The following KSR2 variants were observed in gnomAD, a reference collection of about 807,000 sequenced individuals.
The protein encoded by KSR2 is kinase suppressor of ras 2.
In KSR2, 25 loss-of-function variants were observed where a neutral mutation model predicts 107.8. The ratio of observed to expected loss-of-function variants is 0.23; its 90% CI spans 0.17 to 0.32. KSR2 has a LOEUF of 0.32. KSR2 is among the 10% of genes least tolerant of loss of function. The pLI is 1.00. For synonymous variants in KSR2, 480 were observed against 507.0 expected, an observed-to-expected ratio of 0.95 and a Z score of 0.71; for missense variants, 887 against 1,268.9, an observed-to-expected ratio of 0.70 and a Z score of 4.57.
chr12:117,761,130 C>A lies in KSR2; in HGVS notation c.867G>T (p.Gly289=), dbSNP rs763108965. ...GTTTTCGGGAGGAGGGCGGTGGGGT[C>A]CCCGGGGGCTTCAGCTTGTTCTTCT... ...MRKKNKLKPP[G]TPPPSSRKLI... Residue 289 remains glycine, a synonymous_variant, in exon 4 of 20, where the codon GGG becomes GGT. Coordinates refer to ENST00000339824, the MANE Select transcript of KSR2 (RefSeq NM_173598.6). The A allele has an allele frequency of 6.2e-7, 1 of 1,612,522 alleles. No individual in the cohort carries two copies. Among genetic ancestry groups the A allele is most frequent in the Middle Eastern group, 1.7e-4 (1 of 6,056 alleles).
intron 4 of KSR2, among the ~76,000 whole-genome samples, chr12:117,669,410 T>C (rs764938556): frequency 2.0e-5 from 3 of 152,150 alleles, no homozygotes; most frequent in Non-Finnish European, 2.9e-5. Flanking sequence ...AGTATAGAGC[T>C]ACCCTGTCCA....
In KSR2 at chr12:117,888,618, T is replaced by C. The variant is rs562610367; in HGVS notation, c.181-28187A>G. On this transcript the variant is annotated intron_variant, in intron 1 of 19. Transcript: ENST00000339824. ...AAACCAGAACTTTCTCTCCACCATGTGAGGACACAGAAAGAAGGTGGCCGT... is the reference window on the plus strand; with the variant it reads ...AAACCAGAACTTTCTCTCCACCATGCGAGGACACAGAAAGAAGGTGGCCGT... Among the ~76,000 whole-genome samples the C allele has an allele frequency of 9.4e-4, 143 of 152,274 alleles. 1 individual carries two copies. Among genetic ancestry groups the C allele is most frequent in the Admixed American group, 3.9e-3 (59 of 15,296 alleles).
At chr12:117,560,916 A>G (rs541771032) in intron 7 of KSR2, among the ~76,000 whole-genome samples, 2 of 152,296 alleles carry the variant, frequency 1.3e-5, no homozygotes, top group African/African-American at 2.4e-5. Context: ...CCAGAAGCCA[A>G]CAAGAGGCTG....
intron 3 of KSR2, among the ~76,000 whole-genome samples, chr12:117,805,876 G>C (rs1208887683): frequency 6.6e-6 from 1 of 152,134 alleles, no homozygotes; most frequent in Non-Finnish European, 1.5e-5. Flanking sequence ...CAGCTATTTG[G>C]GAAGCTGAGG....
At chr12:117,719,842 T>C (rs1230561322) in intron 4 of KSR2, among the ~76,000 whole-genome samples, 2 of 152,344 alleles carry the variant, frequency 1.3e-5, no homozygotes, top group South Asian at 2.1e-4. Flanking sequence ...TGTATGACTA[T>C]ATGAACAGAG....
chr12:117,649,724 G>A (rs1249015580), intron 5 of KSR2, among the ~76,000 whole-genome samples: 1 of 152,118 alleles, frequency 6.6e-6, no homozygotes, highest in African/African-American at 2.4e-5. Context: ...TTGGTACCAT[G>A]ATTAACTCTC....
At position 117,597,914 on chromosome 12, in the gene KSR2, C is replaced by G. The variant is rs928392076; in HGVS notation, c.1172-15555G>C. ...CAGCAACCTGAGGGTTCAGGACTATCTCCTATTTCACAGGAGAGAAAACCG... is the reference window on the plus strand; with the variant it reads ...CAGCAACCTGAGGGTTCAGGACTATGTCCTATTTCACAGGAGAGAAAACCG... On this transcript the variant is annotated intron_variant, in intron 5 of 19. Coordinates refer to ENST00000339824, the MANE Select transcript of KSR2 (RefSeq NM_173598.6). 3.9e-5 allele frequency among the ~76,000 whole-genome samples: 6 copies of G among 152,196 alleles called. No homozygotes were observed. The South Asian group carries it at 6.2e-4, about 16-fold the overall frequency.
At chr12:117,675,703 G>C (rs915007965) in intron 4 of KSR2, among the ~76,000 whole-genome samples, 3 of 152,164 alleles carry the variant, frequency 2.0e-5, no homozygotes, top group Non-Finnish European at 4.4e-5. Context: ...CAGCCTCCTC[G>C]AGCGTGTGGG....
At chr12:117,894,625 G>T (rs1303982311) in intron 1 of KSR2, among the ~76,000 whole-genome samples, 1 of 152,056 alleles carries the variant, frequency 6.6e-6, no homozygotes, top group East Asian at 1.9e-4. Flanking sequence ...ATTGAATCAT[G>T]GGAGCAGACT....
intron 5 of KSR2, among the ~76,000 whole-genome samples, chr12:117,643,658 G>T (rs959752872): frequency 2.0e-5 from 3 of 152,140 alleles, no homozygotes; most frequent in Non-Finnish European, 4.4e-5. Context: ...ATCATCACCA[G>T]GTCCTAACCC....
intron 4 of KSR2, among the ~76,000 whole-genome samples, chr12:117,678,374 GC>G (rs1398863506): frequency 6.7e-6 from 1 of 149,344 alleles, no homozygotes; most frequent in Non-Finnish European, 1.5e-5. Flanking sequence ...ACCAACCCTT[GC>G]CAAGCTTTGG....
chr12:117,782,372 T>C (rs1417933493), intron 3 of KSR2, among the ~76,000 whole-genome samples: 1 of 152,214 alleles, frequency 6.6e-6, no homozygotes, highest in Non-Finnish European at 1.5e-5. Flanking sequence ...CAACCGATCC[T>C]CCCACCTTGG....
intron 7 of KSR2, among the ~76,000 whole-genome samples, chr12:117,561,782 T>C (rs2137362680): frequency 6.6e-6 from 1 of 152,326 alleles, no homozygotes; most frequent in Middle Eastern, 3.4e-3. Context: ...TCTATTCCTT[T>C]TCTAAGACCC....
rs561426703 is a variant in KSR2, at chr12:117,878,269, G to T, written c.181-17838C>A. Among the ~76,000 whole-genome samples the T allele has an allele frequency of 1.1e-3, 170 of 151,758 alleles. 2 individuals carry two copies. Among genetic ancestry groups the T allele is most frequent in the Middle Eastern group, 6.8e-3 (2 of 294 alleles). On this transcript the variant is annotated intron_variant, in intron 1 of 19. Coordinates refer to ENST00000339824, the MANE Select transcript of KSR2 (RefSeq NM_173598.6). ...TAACACACGCTTTCATCCAGGGCTG[G>T]CTTTTGCAGGGCAAAGCCAATCCGC...
intron 3 of KSR2, among the ~76,000 whole-genome samples, chr12:117,785,635 A>C (rs1256684515): frequency 2.6e-5 from 4 of 152,128 alleles, no homozygotes. Flanking sequence ...CGAAAAATAC[A>C]CTATCCAAAA....
At chr12:117,534,057 C>T (rs1236397211) in intron 10 of KSR2, among the ~76,000 whole-genome samples, 2 of 151,922 alleles carry the variant, frequency 1.3e-5, no homozygotes, top group South Asian at 2.1e-4. Flanking sequence ...AGAGTGGCTC[C>T]GGGCTTTCTG....
At chr12:117,596,023 TCCTTCCCTCCCTCCCTTCCTTTTTC>T (rs1880621201) in intron 5 of KSR2, among the ~76,000 whole-genome samples, 1 of 151,710 alleles carries the variant, frequency 6.6e-6, no homozygotes, top group Non-Finnish European at 1.5e-5. Context: ...ACCCTTCCTT[TCCTTCCCTCCCTCCCTTCCTTTTTC>T]CCTTCCCTCC....
intron 1 of KSR2, among the ~76,000 whole-genome samples, chr12:117,946,331 A>G (rs1896177078): frequency 6.6e-6 from 1 of 152,306 alleles, no homozygotes; most frequent in South Asian, 2.1e-4. Context: ...ATAAACTTCC[A>G]GCCAGACTAA....
At chr12:117,642,995 T>C (rs559915795) in intron 5 of KSR2, among the ~76,000 whole-genome samples, 151 of 152,294 alleles carry the variant, frequency 9.9e-4, no homozygotes, top group African/African-American at 3.5e-3. Context: ...CAGGATTCTT[T>C]TAGAAGAGAG....
Sources: gnomAD v4.1 joint callset for allele counts (sites outside exome capture counted in the v4.1 genomes callset) on GRCh38, gnomAD v4.1.1 for gene constraint, MANE v1.5 for transcripts, NCBI Gene and HGNC (gene_info 2026-07-23, HGNC 2026-07-21) for gene names.